The following CLEC16A variants were observed in gnomAD, a reference collection of about 807,000 sequenced individuals.
CLEC16A encodes the protein C-type lectin domain containing 16A.
In CLEC16A, 51 loss-of-function variants were observed where a neutral mutation model predicts 109.5. The observed-to-expected ratio is 0.47, with a 90% CI of 0.37 to 0.59. The LOEUF (loss-of-function observed/expected upper bound fraction) is 0.59. Among genes scored for constraint, CLEC16A ranks in the 20% least tolerant of loss-of-function variants. The pLI, the probability that CLEC16A is intolerant of heterozygous loss-of-function variation, is 0.00. For synonymous variants in CLEC16A, 673 were observed against 564.2 expected, an observed-to-expected ratio of 1.19 and a Z score of -2.73; for missense variants, 1,339 against 1,394.0, an observed-to-expected ratio of 0.96 and a Z score of 0.63.
At chr16:11,054,373 C>G (rs957207778) in intron 18 of CLEC16A, among the ~76,000 whole-genome samples, 2 of 152,240 alleles carry the variant, frequency 1.3e-5, no homozygotes, top group Non-Finnish European at 2.9e-5. Context: ...GACTCGGCAG[C>G]AAGCCAATGG....
chr16:11,014,997 A>G (rs1198457076), intron 11 of CLEC16A, among the ~76,000 whole-genome samples: 6 of 152,202 alleles, frequency 3.9e-5, no homozygotes, highest in Non-Finnish European at 7.3e-5. Context: ...CTTTCCCCCA[A>G]AAACCTGCTA....
chr16:11,009,336 C>G (rs2045254963), intron 11 of CLEC16A, among the ~76,000 whole-genome samples: 1 of 152,160 alleles, frequency 6.6e-6, no homozygotes. Context: ...TTTATCCACT[C>G]CTCTGTTGAT....
chr16:11,031,272 T>G (rs2046726595), intron 13 of CLEC16A, among the ~76,000 whole-genome samples: 2 of 152,122 alleles, frequency 1.3e-5, no homozygotes, highest in African/African-American at 4.8e-5. Context: ...GCAAAGAAGG[T>G]GCTGTCTGTG....
At chr16:11,053,531 C>T (rs186916720) in intron 18 of CLEC16A, among the ~76,000 whole-genome samples, 70 of 152,164 alleles carry the variant, frequency 4.6e-4, no homozygotes, top group African/African-American at 1.5e-3. Flanking sequence ...CCACCACACT[C>T]GGCTAATTTT....
chr16:10,984,986 G>C (rs933529145), intron 10 of CLEC16A, among the ~76,000 whole-genome samples: 2 of 152,050 alleles, frequency 1.3e-5, no homozygotes, highest in Non-Finnish European at 1.5e-5. Flanking sequence ...CAGATCACCG[G>C]GTCAGGAGAT....
In CLEC16A at chr16:10,994,637, G is replaced by T. The variant is rs566714327; in HGVS notation, c.1072-8437G>T. Among the ~76,000 whole-genome samples, 21 of 152,204 alleles carry T rather than the reference G, an allele frequency of 1.4e-4. 1 individual carries two copies. Among genetic ancestry groups the T allele is most frequent in the Non-Finnish European group, 2.9e-4 (20 of 68,000 alleles). On this transcript the variant is annotated intron_variant, in intron 10 of 23. Transcript: ENST00000409790. ...GAGTATCACTTGAACCCAGGAGACG[G>T]AGGTTGCAGTGAGCTAAGATCACAC...
intron 22 of CLEC16A, among the ~76,000 whole-genome samples, chr16:11,138,267 C>A (rs957766943): frequency 1.3e-5 from 2 of 152,178 alleles, no homozygotes; most frequent in Non-Finnish European, 2.9e-5. Context: ...GCAAGTCTTG[C>A]CAGCTAGTGG....
rs59547466 is a variant in CLEC16A, at chr16:10,986,012, A to ATTTTTTTTTTTTTTTTTT, written c.1071+3040_1071+3057dup. Among the ~76,000 whole-genome samples the ATTTTTTTTTTTTTTTTTT allele has an allele frequency of 4.6e-5, 2 of 43,436 alleles. 1 individual carries two copies. Among genetic ancestry groups the ATTTTTTTTTTTTTTTTTT allele is most frequent in the African/African-American group, 2.3e-4 (2 of 8,806 alleles). 28.5% of individuals were successfully genotyped at this position (43,436 alleles called of 152,430 possible). Reference sequence around the variant, plus strand: ...TGAGACACTGCACCTGGCCTGCAGAATTTTTTTTTTTTTTTTTTTTTTTTT... The same window carrying ATTTTTTTTTTTTTTTTTT: ...TGAGACACTGCACCTGGCCTGCAGAATTTTTTTTTTTTTTTTTTTTTTTTTTTTTTTTTTTTTTTTTTT... On this transcript the variant is annotated intron_variant, in intron 10 of 23. Coordinates refer to ENST00000409790, the MANE Select transcript of CLEC16A (RefSeq NM_015226.3).
At chr16:11,163,338 C>G (rs2054793139) in intron 22 of CLEC16A, among the ~76,000 whole-genome samples, 1 of 152,174 alleles carries the variant, frequency 6.6e-6, no homozygotes, top group African/African-American at 2.4e-5. Flanking sequence ...GTCACTGTGG[C>G]TTTCTGGTCT....
intron 23 of CLEC16A, among the ~76,000 whole-genome samples, chr16:11,177,004 A>C (rs2068774372): frequency 6.6e-6 from 1 of 152,212 alleles, no homozygotes; most frequent in Non-Finnish European, 1.5e-5. Context: ...ATAAAAAACT[A>C]AACTGGAATC....
intron 15 of CLEC16A, among the ~76,000 whole-genome samples, chr16:11,043,534 T>G (rs1382964808): frequency 3.9e-5 from 6 of 152,184 alleles, no homozygotes; most frequent in Admixed American, 3.9e-4. Context: ...CCATTTTCAT[T>G]TTGAGCTCTG....
Position 11,178,940 on chromosome 16 carries a change from C to T in CLEC16A, c.*250C>T, listed in dbSNP as rs2068874396. 4.6e-6 allele frequency: 2 copies of T among 437,368 alleles called. No homozygotes were observed. Among genetic ancestry groups the T allele is most frequent in the Non-Finnish European group, 8.0e-6 (2 of 248,698 alleles). 27.1% of individuals were successfully genotyped at this position (437,368 alleles called of 1,614,324 possible). A position where few individuals can be genotyped will look rare whatever the true frequency, so the allele number is the denominator to read the frequency against. On this transcript the variant is annotated 3_prime_UTR_variant, in exon 24 of 24. Transcript: ENST00000409790. This position sits in a 1 kb window ranked among gnomAD's most constrained non-coding sequence, Gnocchi z 6.5. Reference sequence around the variant, plus strand: ...ACCGCGGCGAATGCAGATGACTGCACCGGCCACTCAGGGAGCTGCCTGGGC... The same window carrying T: ...ACCGCGGCGAATGCAGATGACTGCATCGGCCACTCAGGGAGCTGCCTGGGC...
chr16:11,002,123 G>T (rs1194169012), intron 10 of CLEC16A, among the ~76,000 whole-genome samples: 2 of 152,200 alleles, frequency 1.3e-5, no homozygotes, highest in African/African-American at 4.8e-5. Context: ...CCTCCTGGCT[G>T]TGTGACCTCG....
In CLEC16A at chr16:11,149,689, T is replaced by G. The variant is rs200096073; in HGVS notation, c.2642-16699T>G. Among the ~76,000 whole-genome samples, 34 of 151,892 alleles carry G rather than the reference T, an allele frequency of 2.2e-4. No homozygotes were observed. In the East Asian group the frequency reaches 6.2e-3, roughly 28 times the overall value. ...CGGTAATCCCAGCTACTTGGGAAGC[T>G]GAGACATGAGAATGGCTTGAACCTG... On this transcript the variant is annotated intron_variant, in intron 22 of 23. Transcript: ENST00000409790.
chr16:10,979,776 AC>A (rs1402946151), intron 9 of CLEC16A, among the ~76,000 whole-genome samples: 1 of 152,178 alleles, frequency 6.6e-6, no homozygotes, highest in African/African-American at 2.4e-5. Flanking sequence ...ACACACAGCA[AC>A]CTTGGTGTAA....
Position 10,985,085 on chromosome 16 carries a change from C to T in CLEC16A, c.1071+2094C>T, listed in dbSNP as rs528781106. Among the ~76,000 whole-genome samples the T allele has an allele frequency of 3.4e-3, 519 of 151,702 alleles. 1 individual carries two copies. Among genetic ancestry groups the T allele is most frequent in the Non-Finnish European group, 4.2e-3 (282 of 67,898 alleles). On this transcript the variant is annotated intron_variant, in intron 10 of 23. Coordinates refer to ENST00000409790, the MANE Select transcript of CLEC16A (RefSeq NM_015226.3). ...GGGCATGGTGGCAGGCGCCTGCAGT[C>T]TCAGCTACTCGGGAGGCTGAGGCAG...
Position 11,091,546 on chromosome 16 carries a change from A to AGGGC in CLEC16A, c.2117-29067_2117-29064dup, listed in dbSNP as rs570253181. On this transcript the variant is annotated intron_variant, in intron 19 of 23. Coordinates refer to ENST00000409790, the MANE Select transcript of CLEC16A (RefSeq NM_015226.3). ...CTGAGGGGCTGGCACTGCACAGGGA[A>AGGGC]GGGCGCTGGCTCGGAGATGGGTAGA... is the stretch of plus-strand genomic sequence containing the variant. Among the ~76,000 whole-genome samples the AGGGC allele has an allele frequency of 3.3e-5, 5 of 152,324 alleles. 1 individual carries two copies. In the South Asian group the frequency reaches 1.0e-3, roughly 32 times the overall value.
At chr16:11,024,769 G>T in intron 12 of CLEC16A, 52 bp from the exon 13 acceptor site, 4 of 1,381,294 alleles carry the variant, frequency 2.9e-6, no homozygotes, top group Non-Finnish European at 4.0e-6. Flanking sequence ...GAGAGGGGAG[G>T]TGTTCACCCT....
At chr16:11,176,084 C>T (rs1319153955) in intron 23 of CLEC16A, among the ~76,000 whole-genome samples, 2 of 152,246 alleles carry the variant, frequency 1.3e-5, no homozygotes, top group Non-Finnish European at 2.9e-5. Flanking sequence ...TGCTCATGCC[C>T]ATTCGAAGCA....
Sources: gnomAD v4.1 joint callset for allele counts (sites outside exome capture counted in the v4.1 genomes callset) on GRCh38, gnomAD v4.1.1 for gene constraint, Gnocchi (gnomAD v3.1) non-coding constraint, MANE v1.5 for transcripts, NCBI Gene and HGNC (gene_info 2026-07-23, HGNC 2026-07-21) for gene names.